Variants in FER observed in about 807,000 individuals in gnomAD.
FER encodes FER tyrosine kinase.
Under a neutral mutation model 111.0 loss-of-function variants are expected in FER, and 63 were observed. That is an observed-to-expected ratio of 0.57 (90% CI 0.46 to 0.70). FER has a LOEUF of 0.70. Ranked by LOEUF, FER falls within the 30% of genes least tolerant of loss-of-function variation. The probability of loss-of-function intolerance (pLI) is 0.00; values close to 1 mark genes in which losing one functional copy is unlikely to be tolerated. For synonymous variants in FER, 327 were observed against 313.9 expected (o/e 1.04, Z -0.44); for missense variants, 914 against 954.0 (o/e 0.96, Z 0.55).
At chr5:109,041,733 A>C (rs1771211539) in intron 14 of FER, among the ~76,000 whole-genome samples, 1 of 152,226 alleles carries the variant, frequency 6.6e-6, no homozygotes, top group Non-Finnish European at 1.5e-5. Flanking sequence ...GCCAATAAAC[A>C]AAATATTTTC....
chr5:108,807,932 T>A (rs1331856590), intron 3 of FER, among the ~76,000 whole-genome samples: 1 of 152,122 alleles, frequency 6.6e-6, no homozygotes, highest in Non-Finnish European at 1.5e-5. Flanking sequence ...TTTTGAGATA[T>A]CTTCTTGGTG....
Position 109,015,841 on chromosome 5 carries a change from G to A in FER, c.1657-21581G>A, listed in dbSNP as rs117398653. On this transcript the variant is annotated intron_variant, in intron 13 of 19. Coordinates refer to ENST00000281092, the MANE Select transcript of FER (RefSeq NM_005246.4). ...AAATTGGCTTTTTTCTGTGTTGTCA[G>A]CATCGTGTGCCTTTTTCCACCTCCT... Among the ~76,000 whole-genome samples the A allele has an allele frequency of 1.0e-3, 158 of 152,014 alleles. 1 individual carries two copies. The East Asian group carries it at 0.017, about 17-fold the overall frequency.
intron 18 of FER, among the ~76,000 whole-genome samples, chr5:109,183,479 C>T (rs1334709347): frequency 6.6e-6 from 1 of 152,126 alleles, no homozygotes; most frequent in Non-Finnish European, 1.5e-5. Context: ...GAACTCCTGA[C>T]CTCTGGTGAT....
intron 16 of FER, chr5:109,051,455 C>G (rs1402735881): frequency 1.2e-6 from 2 of 1,612,834 alleles, no homozygotes; most frequent in Non-Finnish European, 1.7e-6. Flanking sequence ...TCGGGGAAAT[C>G]AAAAGGCTGT....
chr5:109,022,135 A>T (rs546226704), intron 13 of FER, among the ~76,000 whole-genome samples: 46 of 152,106 alleles, frequency 3.0e-4, no homozygotes, highest in Non-Finnish European at 6.3e-4. Flanking sequence ...TATACAGTCC[A>T]TGCTTTCTAC....
At chr5:108,866,259 A>G (rs1764044604) in intron 5 of FER, among the ~76,000 whole-genome samples, 2 of 152,232 alleles carry the variant, frequency 1.3e-5, no homozygotes, top group South Asian at 2.1e-4. Context: ...GCAGCCATAA[A>G]AAAGGATGAG....
At chr5:108,999,215 A>C (rs572634655) in intron 13 of FER, among the ~76,000 whole-genome samples, 5 of 151,966 alleles carry the variant, frequency 3.3e-5, no homozygotes, top group Non-Finnish European at 7.4e-5. Flanking sequence ...TCACTGTGCT[A>C]TTTGTACTAG....
At position 109,188,458 on chromosome 5, in the gene FER, TCAAGGATGTA is replaced by T. The variant is rs1435451942; in HGVS notation, c.*886_*895del. ...AAGTTAGAGTTGAGGCAGTTGCTTTTCAAGGATGTACAGAGAGCTGTGAAGCAAGAAACAG... is the reference window on the plus strand; with the variant it reads ...AAGTTAGAGTTGAGGCAGTTGCTTTTCAGAGAGCTGTGAAGCAAGAAACAG... On this transcript the variant is annotated 3_prime_UTR_variant, in exon 20 of 20. Coordinates refer to ENST00000281092, the MANE Select transcript of FER (RefSeq NM_005246.4). The T allele has an allele frequency of 6.7e-6, 1 of 149,588 alleles. No individual in the cohort carries two copies. The highest frequency in any genetic ancestry group is 2.4e-5 in the African/African-American group (1 of 40,898). The allele number at this position is 149,588 out of a possible 1,614,324, so 9.3% of individuals were successfully genotyped here. A position where few individuals can be genotyped will look rare whatever the true frequency, so the allele number is the denominator to read the frequency against.
At position 108,755,469 on chromosome 5, in the gene FER, A is replaced by G. The variant is rs1750980765; in HGVS notation, c.-206+7469A>G. Among the ~76,000 whole-genome samples, 3 of 152,204 alleles carry G rather than the reference A, an allele frequency of 2.0e-5. No homozygotes were observed. The South Asian group carries it at 6.2e-4, about 32-fold the overall frequency. On this transcript the variant is annotated intron_variant, in intron 1 of 19. Coordinates refer to ENST00000281092, the MANE Select transcript of FER (RefSeq NM_005246.4). ...AAAGAAAAGTGCATTTGACTCTTCT[A>G]GCAGTGTTCAGGGTTTTTTTGTTGT...
chr5:108,877,678 A>G (rs1765227225), intron 8 of FER, among the ~76,000 whole-genome samples: 1 of 152,172 alleles, frequency 6.6e-6, no homozygotes, highest in Non-Finnish European at 1.5e-5. Context: ...TATAAATTCC[A>G]TTTTTTTAAT....
chr5:108,768,347 T>C (rs1354153968), intron 2 of FER, 109 bp downstream of exon 2: 3 of 152,254 alleles, frequency 2.0e-5, no homozygotes, highest in East Asian at 3.8e-4. Flanking sequence ...TAGATTATTC[T>C]ACTGTCTATG....
intron 16 of FER, among the ~76,000 whole-genome samples, chr5:109,056,527 G>A (rs1473763616): frequency 1.3e-5 from 2 of 152,082 alleles, no homozygotes; most frequent in Non-Finnish European, 2.9e-5. Context: ...CAGATATACA[G>A]AGATAGAGAA....
chr5:108,921,972 A>C (rs903719754), intron 10 of FER, among the ~76,000 whole-genome samples: 14 of 152,204 alleles, frequency 9.2e-5, no homozygotes, highest in Non-Finnish European at 1.8e-4. Flanking sequence ...TAAACTAGTT[A>C]ATATGAAGTT....
At chr5:109,184,823 G>C (rs573460709) in intron 18 of FER, among the ~76,000 whole-genome samples, 2 of 152,240 alleles carry the variant, frequency 1.3e-5, no homozygotes, top group East Asian at 3.9e-4. Flanking sequence ...TATTATAGCA[G>C]GCATACTCTG....
At chr5:109,122,963 A>G (rs1387687374) in intron 17 of FER, among the ~76,000 whole-genome samples, 1 of 151,736 alleles carries the variant, frequency 6.6e-6, no homozygotes, top group Non-Finnish European at 1.5e-5. Context: ...GTCTTTATGG[A>G]TGAAGTGTTT....
At chr5:109,018,409 G>A (rs1209574351) in intron 13 of FER, among the ~76,000 whole-genome samples, 3 of 151,704 alleles carry the variant, frequency 2.0e-5, no homozygotes, top group Admixed American at 1.3e-4. Context: ...CTTACCATTG[G>A]GACTACACAT....
At chr5:108,801,205 C>CT (rs1256636724) in intron 3 of FER, among the ~76,000 whole-genome samples, 1 of 152,076 alleles carries the variant, frequency 6.6e-6, no homozygotes, top group Admixed American at 6.5e-5. Context: ...ATATTTTTAT[C>CT]TTTTTTTGCT....
rs1054874883 is a variant in FER, at chr5:109,173,558, C to T, written c.2049-7189C>T. On this transcript the variant is annotated intron_variant, in intron 17 of 19. Coordinates refer to ENST00000281092, the MANE Select transcript of FER (RefSeq NM_005246.4). ...GCTCTGTCATAACCTTCAGAATTCT[C>T]CCAGTGCCCAAATTGACTATTCCTT... Among the ~76,000 whole-genome samples the T allele has an allele frequency of 2.3e-4, 35 of 152,162 alleles. 1 individual carries two copies. The highest frequency in any genetic ancestry group is 2.3e-3 in the Admixed American group (35 of 15,264).
At chr5:108,923,373 T>C (rs139712231) in intron 10 of FER, among the ~76,000 whole-genome samples, 1,799 of 152,202 alleles carry the variant, frequency 0.012, 18 homozygotes, top group Non-Finnish European at 0.02. Flanking sequence ...CATCTAATTA[T>C]AAAGGGAGCC....
Sources: gnomAD v4.1 joint callset for allele counts (sites outside exome capture counted in the v4.1 genomes callset) on GRCh38, gnomAD v4.1.1 for gene constraint, MANE v1.5 for transcripts, NCBI Gene and HGNC (gene_info 2026-07-23, HGNC 2026-07-21) for gene names.